The following INPP4B variants were observed in gnomAD, a reference collection of about 807,000 sequenced individuals.
INPP4B encodes the protein inositol polyphosphate 4-phosphatase type II.
In INPP4B, 55 loss-of-function variants were observed where a neutral mutation model predicts 122.5. The observed-to-expected ratio is 0.45, with a 90% confidence interval of 0.36 to 0.56. The LOEUF (loss-of-function observed/expected upper bound fraction) is 0.56. INPP4B is among the 20% of genes least tolerant of loss of function. The probability of loss-of-function intolerance (pLI) is 0.00; values close to 1 mark genes in which losing one functional copy is unlikely to be tolerated. For missense variants in INPP4B, 1,000 were observed against 1,097.7 expected (o/e 0.91, Z 1.26); for synonymous variants, 403 against 388.7 (o/e 1.04, Z -0.43).
At chr4:142,449,265 C>T (rs549831801) in intron 3 of INPP4B, among the ~76,000 whole-genome samples, 1 of 152,140 alleles carries the variant, frequency 6.6e-6, no homozygotes, top group Non-Finnish European at 1.5e-5. Context: ...AGAGAAGACC[C>T]ATGGATCTAG....
intron 24 of INPP4B, among the ~76,000 whole-genome samples, chr4:142,084,178 C>T (rs542236309): frequency 2.0e-5 from 3 of 152,254 alleles, no homozygotes; most frequent in Non-Finnish European, 4.4e-5. Flanking sequence ...GGCTGGAGTG[C>T]TGTGGCTCAA....
intron 23 of INPP4B, among the ~76,000 whole-genome samples, chr4:142,100,403 T>C (rs1270233391): frequency 1.3e-5 from 2 of 152,170 alleles, no homozygotes; most frequent in Non-Finnish European, 2.9e-5. Context: ...TAGATCCAGA[T>C]ATACAGCCCC....
At chr4:142,561,602 G>T (rs1346486267) in intron 2 of INPP4B, among the ~76,000 whole-genome samples, 2 of 152,008 alleles carry the variant, frequency 1.3e-5, no homozygotes, top group Admixed American at 1.3e-4. Flanking sequence ...TGTATTTTTA[G>T]TAGAGACGGG....
intron 25 of INPP4B, among the ~76,000 whole-genome samples, chr4:142,030,665 ATAATC>A (rs1235104004): frequency 6.6e-6 from 1 of 152,240 alleles, no homozygotes; most frequent in African/African-American, 2.4e-5. Flanking sequence ...GCTCATGAAA[ATAATC>A]TGATAACTAC....
At chr4:142,843,742 C>T (rs1334827209) in intron 1 of INPP4B, among the ~76,000 whole-genome samples, 1 of 151,988 alleles carries the variant, frequency 6.6e-6, no homozygotes, top group East Asian at 1.9e-4. Context: ...CTAGAAACTG[C>T]CACTCATTTG....
intron 2 of INPP4B, among the ~76,000 whole-genome samples, chr4:142,653,516 C>T (rs1263217541): frequency 1.3e-5 from 2 of 152,006 alleles, no homozygotes; most frequent in Admixed American, 1.3e-4. Context: ...AGAACTCCAA[C>T]AAATTTACAA....
At chr4:142,255,089 A>G (rs1320726650) in intron 11 of INPP4B, among the ~76,000 whole-genome samples, 1 of 152,054 alleles carries the variant, frequency 6.6e-6, no homozygotes, top group Non-Finnish European at 1.5e-5. Context: ...CCAGAATTTC[A>G]TATCCAGCCA....
intron 1 of INPP4B, among the ~76,000 whole-genome samples, chr4:142,746,774 G>T (rs973015330): frequency 6.6e-6 from 1 of 152,128 alleles, no homozygotes; most frequent in Non-Finnish European, 1.5e-5. Context: ...AATGGGGAAA[G>T]GATTCCCTAT....
At chr4:142,756,096 T>C (rs1770477256) in intron 1 of INPP4B, among the ~76,000 whole-genome samples, 1 of 152,058 alleles carries the variant, frequency 6.6e-6, no homozygotes, top group Non-Finnish European at 1.5e-5. Flanking sequence ...TATGATATAG[T>C]GCAGGCGAAT....
At chr4:142,237,676 A>T (rs1310310913) in intron 12 of INPP4B, among the ~76,000 whole-genome samples, 188 bp downstream of exon 12, 1 of 152,004 alleles carries the variant, frequency 6.6e-6, no homozygotes, top group Non-Finnish European at 1.5e-5. Flanking sequence ...CATAGAAAAA[A>T]TGTTCTAGAG....
At chr4:142,618,593 T>C (rs1427180836) in intron 2 of INPP4B, among the ~76,000 whole-genome samples, 1 of 151,934 alleles carries the variant, frequency 6.6e-6, no homozygotes, top group Non-Finnish European at 1.5e-5. Flanking sequence ...AATCTCAAAA[T>C]GGATTAAACA....
At chr4:142,551,047 C>T (rs998565622) in intron 2 of INPP4B, among the ~76,000 whole-genome samples, 1 of 152,106 alleles carries the variant, frequency 6.6e-6, no homozygotes, top group Non-Finnish European at 1.5e-5. Context: ...ACCAAGGAAT[C>T]GTAAAGAGTC....
At chr4:142,315,996 A>G (rs1767486695) in intron 7 of INPP4B, among the ~76,000 whole-genome samples, 1 of 152,060 alleles carries the variant, frequency 6.6e-6, no homozygotes, top group South Asian at 2.1e-4. Flanking sequence ...AAAAGACTTG[A>G]ATCAGCTCCT....
At chr4:142,346,114 A>T (rs1022805705) in intron 7 of INPP4B, among the ~76,000 whole-genome samples, 1 of 152,024 alleles carries the variant, frequency 6.6e-6, no homozygotes, top group African/African-American at 2.4e-5. Flanking sequence ...TTTATTGTAC[A>T]TCATTATCAT....
At chr4:142,801,724 T>A (rs556095146) in intron 1 of INPP4B, among the ~76,000 whole-genome samples, 1 of 152,222 alleles carries the variant, frequency 6.6e-6, no homozygotes, top group Admixed American at 6.5e-5. Flanking sequence ...ATATAGGTTA[T>A]AATGGAGAAG....
At chr4:142,060,981 A>G (rs1378888660) in intron 25 of INPP4B, among the ~76,000 whole-genome samples, 2 of 152,208 alleles carry the variant, frequency 1.3e-5, no homozygotes, top group Admixed American at 1.3e-4. Flanking sequence ...AATGGTAGCA[A>G]TATCTTTCAG....
At chr4:142,804,052 C>T (rs1778362674) in intron 1 of INPP4B, among the ~76,000 whole-genome samples, 1 of 143,620 alleles carries the variant, frequency 7.0e-6, no homozygotes, top group Admixed American at 6.9e-5. Flanking sequence ...GAGTGAGACT[C>T]CATCATAAAT....
At chr4:142,495,228 A>G (rs2149796846) in intron 2 of INPP4B, among the ~76,000 whole-genome samples, 1 of 151,454 alleles carries the variant, frequency 6.6e-6, no homozygotes, top group African/African-American at 2.4e-5. Context: ...CTTGGGATTG[A>G]TTCCCAGAAA....
chr4:142,373,182 C>G (rs1324667094), intron 7 of INPP4B, among the ~76,000 whole-genome samples: 1 of 151,978 alleles, frequency 6.6e-6, no homozygotes, highest in Non-Finnish European at 1.5e-5. Context: ...CTGTATGTGT[C>G]ATAAATTCTA....
Sources: gnomAD v4.1 joint callset for allele counts (sites outside exome capture counted in the v4.1 genomes callset) on GRCh38, gnomAD v4.1.1 for gene constraint, MANE v1.5 for transcripts, NCBI Gene and HGNC (gene_info 2026-07-23, HGNC 2026-07-21) for gene names.